The following CFAP92 variants were observed in gnomAD, a reference collection of about 807,000 sequenced individuals.
The protein encoded by CFAP92 is cilia and flagella associated protein 92 (putative), also known as uncharacterized protein CFAP92.
Under a neutral mutation model 106.3 loss-of-function variants are expected in CFAP92, and 86 were observed. The observed-to-expected ratio is 0.81, with a 90% confidence interval of 0.68 to 0.97. CFAP92 has a LOEUF of 0.97. CFAP92 is among the 50% of genes least tolerant of loss of function. CFAP92 has a pLI of 0.00. For missense variants in CFAP92, 1,204 were observed against 1,283.8 expected, an observed-to-expected ratio of 0.94 and a Z score of 0.95; for synonymous variants, 477 against 506.4, an observed-to-expected ratio of 0.94 and a Z score of 0.78.
chr3:128,951,955 G>A (rs1940850391), intron 9 of CFAP92, among the ~76,000 whole-genome samples: 1 of 152,150 alleles, frequency 6.6e-6, no homozygotes, highest in Non-Finnish European at 1.5e-5. Context: ...CACAAGAGCA[G>A]TAACAAGATA....
At chr3:128,951,728 G>A (rs1940828108) in intron 9 of CFAP92, among the ~76,000 whole-genome samples, 1 of 152,068 alleles carries the variant, frequency 6.6e-6, no homozygotes, top group South Asian at 2.1e-4. Context: ...AAACTTTTAG[G>A]CAAATAACCT....
At chr3:128,987,528 G>A (rs1943933659) in intron 4 of CFAP92, 88 bp downstream of exon 4, 8 of 1,176,936 alleles carry the variant, frequency 6.8e-6, no homozygotes, top group Non-Finnish European at 2.5e-6. Flanking sequence ...CCAATTAGAT[G>A]AAGGAAACCA....
intron 2 of CFAP92, among the ~76,000 whole-genome samples, chr3:128,989,289 TAAAAA>T (rs56776852): frequency 4.1e-5 from 5 of 122,242 alleles, no homozygotes; most frequent in African/African-American, 5.9e-5. Flanking sequence ...AAGAAGCAGG[TAAAAA>T]AAAAAAAAAA....
At chr3:128,925,711 C>T (rs1238463962) in intron 12 of CFAP92, among the ~76,000 whole-genome samples, 1 of 152,008 alleles carries the variant, frequency 6.6e-6, no homozygotes, top group Non-Finnish European at 1.5e-5. Flanking sequence ...GTTCTAGAAA[C>T]CCATGGCAAG....
At position 128,993,267 on chromosome 3, in the gene CFAP92, G is replaced by A; in HGVS notation, c.38C>T (p.Ala13Val). The change falls in exon 2 of 16, where the codon GCA (alanine) becomes GTA (valine). Residue 13 changes from alanine (A) to valine (V), a missense_variant. Coordinates refer to ENST00000645291, the MANE Select transcript of CFAP92 (RefSeq NM_001394090.1). Reference protein sequence around the residue: ...LHAWEWEEDPASIEPISSITS... With the variant: ...LHAWEWEEDPVSIEPISSITS... Reference sequence around the variant, plus strand: ...GATGGAGGAGATGGGCTCTATGCTTGCGGGGTCCTCTTCCCACTCCCAGGC... The same window carrying A: ...GATGGAGGAGATGGGCTCTATGCTTACGGGGTCCTCTTCCCACTCCCAGGC... 6.2e-7 allele frequency: 1 copy of A among 1,613,860 alleles called. No homozygotes were observed. Among genetic ancestry groups the A allele is most frequent in the Non-Finnish European group, 8.5e-7 (1 of 1,179,872 alleles).
chr3:128,963,067 G>A (rs970695125), intron 9 of CFAP92, among the ~76,000 whole-genome samples: 11 of 152,304 alleles, frequency 7.2e-5, no homozygotes, highest in South Asian at 4.2e-4. Context: ...ACTGCCGCAA[G>A]GCTTCACAGA....
chr3:128,970,314 C>CG (rs1197464511), intron 8 of CFAP92: 3 of 151,972 alleles, frequency 2.0e-5, no homozygotes, highest in African/African-American at 7.3e-5. Flanking sequence ...CCCAAGAGCG[C>CG]GAGAGGAGGA....
chr3:128,987,896 A>AAGCCCC (rs1377516833), intron 3 of CFAP92, 67 bp from the exon 4 acceptor site: 6 of 1,387,544 alleles, frequency 4.3e-6, no homozygotes, highest in Non-Finnish European at 5.9e-6. Flanking sequence ...CGAACAGAGC[A>AAGCCCC]AGCCCCAGCC....
the CFAP92 span, among the ~76,000 whole-genome samples, chr3:129,017,400 C>T: frequency 6.6e-6 from 1 of 152,232 alleles, no homozygotes. Context: ...CTCATAATTC[C>T]GTAGGCCGGA....
At chr3:128,952,823 C>T (rs975786155) in intron 9 of CFAP92, among the ~76,000 whole-genome samples, 1 of 152,076 alleles carries the variant, frequency 6.6e-6, no homozygotes, top group Non-Finnish European at 1.5e-5. Context: ...CGGTGGCTCA[C>T]ACCTGTAAAT....
Position 128,945,225 on chromosome 3 carries a change from G to A in CFAP92, c.2104C>T (p.Leu702=). Residue 702 remains leucine (L), a synonymous_variant, in exon 10 of 16, where the codon CTG becomes TTG. Coordinates refer to ENST00000645291, the MANE Select transcript of CFAP92 (RefSeq NM_001394090.1). ...CGCACACGCACCTTGAAGGCTGACA[G>A]GATCTGCTGCAGGGTCCTGACAGGG... is the stretch of plus-strand genomic sequence containing the variant. ...SYPVRTLQQI[L]SAFKVRVRVQ... is the part of the protein sequence containing the mutation. The A allele has an allele frequency of 6.5e-7, 1 of 1,536,168 alleles. No homozygotes were observed. Among genetic ancestry groups the A allele is most frequent in the Non-Finnish European group, 8.7e-7 (1 of 1,146,920 alleles).
the CFAP92 span, among the ~76,000 whole-genome samples, chr3:129,022,367 T>C: frequency 2.0e-5 from 3 of 152,138 alleles, no homozygotes; most frequent in Non-Finnish European, 4.4e-5. Flanking sequence ...AACCCAGGTT[T>C]GCGGCTCCTC....
At chr3:128,970,160 C>G (rs924605323) in intron 8 of CFAP92, 1 of 151,710 alleles carries the variant, frequency 6.6e-6, no homozygotes, top group South Asian at 2.1e-4. Flanking sequence ...GTGGCAGAGG[C>G]GGGAGGCTTG....
At position 128,916,451 on chromosome 3, in the gene CFAP92, C is replaced by T. The variant is rs537206267; in HGVS notation, c.2752-180G>A. On this transcript the variant is annotated intron_variant, in intron 12 of 15. Transcript: ENST00000645291. ...CAAAGGGCCAACTAGTCCAACCTCTCACTATCCAAAATGGAATTTAAGAGG... is the reference window on the plus strand; with the variant it reads ...CAAAGGGCCAACTAGTCCAACCTCTTACTATCCAAAATGGAATTTAAGAGG... Among the ~76,000 whole-genome samples, 11 of 152,296 alleles carry T rather than the reference C, an allele frequency of 7.2e-5. No homozygotes were observed. The East Asian group carries it at 2.1e-3, about 29-fold the overall frequency.
the CFAP92 span, among the ~76,000 whole-genome samples, chr3:129,014,159 G>A: frequency 2.0e-5 from 3 of 152,270 alleles, no homozygotes; most frequent in African/African-American, 7.2e-5. The surrounding 1 kb of genome is among the most constrained non-coding windows in gnomAD (Gnocchi z 4.3). Context: ...GAGGGCCCAT[G>A]CTGTCCTGGG....
chr3:128,963,162 C>T (rs573751229), intron 9 of CFAP92, among the ~76,000 whole-genome samples: 53 of 152,288 alleles, frequency 3.5e-4, no homozygotes, highest in Middle Eastern at 3.5e-3. Context: ...CACATGTGCT[C>T]TCCCTGCTGA....
Position 128,932,862 on chromosome 3 carries a change from CTCA to C in CFAP92, c.2586_2588del (p.Asp862del). 1 of 1,536,208 alleles carries C rather than the reference CTCA, an allele frequency of 6.5e-7. No homozygotes were observed. The highest frequency in any genetic ancestry group is 8.7e-7 in the Non-Finnish European group (1 of 1,146,926). The stretch of plus-strand genomic sequence containing the variant: ...GCTGAGGTGGTAGGGCAAACAGTTT[CTCA>C]TCTGTGAGTTCTTCTTGCGAAAGGG... On this transcript the variant is annotated inframe_deletion, in exon 12 of 16. Transcript: ENST00000645291.
chr3:128,966,813 A>G, intron 8 of CFAP92: 1 of 151,898 alleles, frequency 6.6e-6, no homozygotes, highest in Non-Finnish European at 1.5e-5. Context: ...CTCGTGATCC[A>G]CCCGCCTCGG....
chr3:128,968,195 C>A (rs186483303), intron 8 of CFAP92: 1 of 152,170 alleles, frequency 6.6e-6, no homozygotes, highest in Non-Finnish European at 1.5e-5. Flanking sequence ...TTAGAAAATA[C>A]GTTGTAGAAC....
Sources: allele counts gnomAD v4.1 joint callset (sites outside exome capture counted in the v4.1 genomes callset), GRCh38; gene constraint gnomAD v4.1.1; non-coding constraint Gnocchi (gnomAD v3.1); transcripts MANE v1.5; gene names NCBI Gene and HGNC (gene_info 2026-07-23, HGNC 2026-07-21).